ADGRF5: variants seen among roughly 807,000 people sequenced by gnomAD.
ADGRF5 encodes the protein G-protein coupled receptor 116.
Under a neutral mutation model 132.3 loss-of-function variants are expected in ADGRF5, and 75 were observed. That is an observed-to-expected ratio of 0.57 (90% CI 0.47 to 0.69). The LOEUF (loss-of-function observed/expected upper bound fraction) is 0.69, where lower values mean the gene tolerates loss of function less well. Among genes scored for constraint, ADGRF5 ranks in the 30% least tolerant of loss-of-function variants. The probability of loss-of-function intolerance (pLI) is 0.00; values close to 1 mark genes in which losing one functional copy is unlikely to be tolerated. For missense variants in ADGRF5, 1,516 were observed against 1,630.6 expected (o/e 0.93, Z 1.21); for synonymous variants, 629 against 597.6 (o/e 1.05, Z -0.77).
intron 9 of ADGRF5, among the ~76,000 whole-genome samples, chr6:46,879,051 A>G (rs1772147715): frequency 6.6e-6 from 1 of 152,158 alleles, no homozygotes; most frequent in South Asian, 2.1e-4. Flanking sequence ...GATTGTAGTA[A>G]TGATTTCACA....
intron 3 of ADGRF5, among the ~76,000 whole-genome samples, chr6:46,891,006 C>T (rs1214488253): frequency 6.6e-6 from 1 of 152,126 alleles, no homozygotes; most frequent in Non-Finnish European, 1.5e-5. Context: ...TGTCTTAGGT[C>T]TTTGGATTTA....
intron 6 of ADGRF5, among the ~76,000 whole-genome samples, 199 bp from the exon 7 acceptor site, chr6:46,882,306 C>T (rs1380215385): frequency 6.6e-6 from 1 of 151,908 alleles, no homozygotes; most frequent in Non-Finnish European, 1.5e-5. Flanking sequence ...GAGAAGTAGA[C>T]TAGATGAAAT....
chr6:46,887,450 A>G (rs1773170472), intron 4 of ADGRF5, among the ~76,000 whole-genome samples: 2 of 152,200 alleles, frequency 1.3e-5, no homozygotes, highest in South Asian at 4.1e-4. Context: ...CAACTGGAAA[A>G]CCACTAACTC....
At chr6:46,941,330 G>T (rs1023579501) in intron 1 of ADGRF5, among the ~76,000 whole-genome samples, 1 of 149,814 alleles carries the variant, frequency 6.7e-6, no homozygotes. Context: ...ACCTTGTCAA[G>T]AAAGAAAGAC....
chr6:46,857,637 G>A (rs1769209835), intron 17 of ADGRF5, among the ~76,000 whole-genome samples: 1 of 152,170 alleles, frequency 6.6e-6, no homozygotes. Flanking sequence ...GCATTCACAG[G>A]ACATTCATTC....
chr6:46,860,631 G>A, intron 16 of ADGRF5, 84 bp downstream of exon 16: 1 of 939,930 alleles, frequency 1.1e-6, no homozygotes, highest in Admixed American at 2.0e-5. Context: ...AGCTGCAATG[G>A]GGAGGAATTA....
exon 1 of ADGRF5, chr6:46,954,857 G>A (rs1245780786): frequency 6.6e-6 from 1 of 152,230 alleles, no homozygotes; most frequent in Non-Finnish European, 1.5e-5. Flanking sequence ...GAGGAGGGTG[G>A]GGTTTCACAA....
intron 1 of ADGRF5, among the ~76,000 whole-genome samples, chr6:46,935,701 C>G (rs1321980785): frequency 6.6e-6 from 1 of 152,202 alleles, no homozygotes; most frequent in African/African-American, 2.4e-5. Context: ...CCCTCTCCTG[C>G]TCCTGAATTC....
chr6:46,872,909 T>C (rs1013289026), intron 10 of ADGRF5, among the ~76,000 whole-genome samples: 9 of 152,186 alleles, frequency 5.9e-5, no homozygotes, highest in African/African-American at 1.7e-4. Flanking sequence ...GGCTGATCAA[T>C]GATATTTGAC....
At chr6:46,936,558 C>T (rs554596436) in intron 1 of ADGRF5, among the ~76,000 whole-genome samples, 65 of 152,310 alleles carry the variant, frequency 4.3e-4, no homozygotes, top group Non-Finnish European at 7.6e-4. Flanking sequence ...ATCATGCACG[C>T]ATTCATTCCA....
At chr6:46,885,240 G>C (rs536254014) in intron 4 of ADGRF5, among the ~76,000 whole-genome samples, 3 of 150,284 alleles carry the variant, frequency 2.0e-5, no homozygotes, top group Non-Finnish European at 4.4e-5. Context: ...AAGGAAGAAA[G>C]AAAAAACAGA....
intron 13 of ADGRF5, among the ~76,000 whole-genome samples, chr6:46,866,724 A>G (rs564608715): frequency 6.6e-6 from 1 of 152,136 alleles, no homozygotes; most frequent in South Asian, 2.1e-4. Flanking sequence ...CACCATTGCA[A>G]ACTCCCAAGA....
rs193015752 is a variant in ADGRF5 at position 46,904,778 on chromosome 6, G to A, written c.102+1883C>T. ...CATGTGTCACTTAAGATGGCAGAAG[G>A]TCAGTCATGGAAACTGGGTGGCAGC... is the stretch of plus-strand genomic sequence containing the variant. On this transcript the variant is annotated intron_variant, in intron 2 of 20. Transcript: ENST00000283296. 7.7e-4 allele frequency among the ~76,000 whole-genome samples: 118 copies of A among 152,308 alleles called. No homozygotes were observed. The Middle Eastern group carries it at 0.014, about 18-fold the overall frequency.
Position 46,877,318 on chromosome 6 carries a change from C to T in ADGRF5, c.1240+884G>A, listed in dbSNP as rs866026400. 4.5e-3 allele frequency among the ~76,000 whole-genome samples: 98 copies of T among 21,630 alleles called. 1 individual carries two copies. Among genetic ancestry groups the T allele is most frequent in the Middle Eastern group, 0.031 (2 of 64 alleles). 14.2% of individuals were successfully genotyped at this position (21,630 alleles called of 152,430 possible). A position where few individuals can be genotyped will look rare whatever the true frequency, so the allele number is the denominator to read the frequency against. ...CTCTCTCTCTCTCTTTCCTTCCTTC[C>T]TTCCTTCTTTCTTTCTTTCTTTCTT... On this transcript the variant is annotated intron_variant, in intron 10 of 20. Transcript: ENST00000283296.
chr6:46,878,370 C>T lies in ADGRF5; in HGVS notation c.1072G>A (p.Glu358Lys). 6.2e-7 allele frequency: 1 copy of T among 1,611,442 alleles called. No homozygotes were observed. The highest frequency in any genetic ancestry group is 1.7e-4 in the Middle Eastern group (1 of 6,056). ...TCTATTTTCTTCTTGCACTCATATT[C>T]AAAAATGTCTAATATCAGTTTGCAA... Reference protein sequence around the residue: ...YVCKLILDIFEYECKKKIDVM... With the variant: ...YVCKLILDIFKYECKKKIDVM... The change falls in exon 10 of 21, where the codon GAA becomes AAA. Residue 358 changes from glutamate (E) to lysine (K), a missense_variant. This residue lies in a region of ADGRF5 where 945 missense variants were observed against 929.4 expected (regional missense o/e 1.02). Coordinates refer to ENST00000283296, the MANE Select transcript of ADGRF5 (RefSeq NM_001098518.2).
At chr6:46,942,088 C>T (rs1350251667) in intron 1 of ADGRF5, among the ~76,000 whole-genome samples, 1 of 152,194 alleles carries the variant, frequency 6.6e-6, no homozygotes, top group Non-Finnish European at 1.5e-5. Context: ...TGCCAACTCT[C>T]ACTGTCCTTC....
At chr6:46,898,682 C>T (rs1244501177) in intron 3 of ADGRF5, among the ~76,000 whole-genome samples, 1 of 152,204 alleles carries the variant, frequency 6.6e-6, no homozygotes, top group Non-Finnish European at 1.5e-5. Context: ...AGTCTGGCCA[C>T]TGCACCGTGA....
At chr6:46,954,508 T>C (rs559953233) in intron 1 of ADGRF5, among the ~76,000 whole-genome samples, 1 of 151,946 alleles carries the variant, frequency 6.6e-6, no homozygotes, top group Non-Finnish European at 1.5e-5. Flanking sequence ...ATGATCTATA[T>C]ACTGGCTGGC....
intron 1 of ADGRF5, among the ~76,000 whole-genome samples, chr6:46,931,974 TA>T (rs770258360): frequency 1.3e-5 from 2 of 152,168 alleles, no homozygotes; most frequent in African/African-American, 2.4e-5. Context: ...ATTTTTGCCA[TA>T]AACCTCTTTG....
Sources: allele counts gnomAD v4.1 joint callset (sites outside exome capture counted in the v4.1 genomes callset), GRCh38; gene constraint gnomAD v4.1.1; regional missense constraint gnomAD v4.1.1; transcripts MANE v1.5; gene names NCBI Gene and HGNC (gene_info 2026-07-23, HGNC 2026-07-21).